Variants in SLC16A12 observed in about 807,000 individuals in gnomAD.
SLC16A12 encodes monocarboxylate transporter 12.
In SLC16A12, 17 loss-of-function variants were observed where a neutral mutation model predicts 42.4. That is an observed-to-expected ratio of 0.40 (90% CI 0.27 to 0.60). The LOEUF is 0.60. Among genes scored for constraint, SLC16A12 ranks in the 20% least tolerant of loss-of-function variants. The pLI, the probability that SLC16A12 is intolerant of heterozygous loss-of-function variation, is 0.42. For missense variants in SLC16A12, 544 were observed against 623.0 expected (o/e 0.87, Z 1.35); for synonymous variants, 224 against 229.4 (o/e 0.98, Z 0.21).
chr10:89,518,551 C>A (rs182360933), intron 2 of SLC16A12, among the ~76,000 whole-genome samples: 16 of 152,320 alleles, frequency 1.1e-4, no homozygotes, highest in Admixed American at 6.5e-4. Flanking sequence ...TTATTCCCTT[C>A]TCTAGAGCCT....
chr10:89,440,073 CAAAAAAAAA>C (rs10674171), intron 5 of SLC16A12, among the ~76,000 whole-genome samples: 2 of 31,430 alleles, frequency 6.4e-5, no homozygotes, highest in South Asian at 4.0e-3. Flanking sequence ...GACCCTGTCT[CAAAAAAAAA>C]AAAAAAAAAA....
chr10:89,512,022 G>A (rs1843169766), intron 2 of SLC16A12, among the ~76,000 whole-genome samples: 1 of 152,188 alleles, frequency 6.6e-6, no homozygotes, highest in South Asian at 2.1e-4. Context: ...GAAGCCTGAA[G>A]ACATTATGCT....
chr10:89,444,920 T>C (rs1841974477), intron 3 of SLC16A12, among the ~76,000 whole-genome samples: 1 of 152,214 alleles, frequency 6.6e-6, no homozygotes, highest in African/African-American at 2.4e-5. Flanking sequence ...CCAATGGTCT[T>C]AGCAAATGGC....
chr10:89,537,559 T>C (rs1044593990), upstream of SLC16A12, among the ~76,000 whole-genome samples: 3 of 152,204 alleles, frequency 2.0e-5, no homozygotes, highest in Admixed American at 1.3e-4. Context: ...TGTAAAAGAA[T>C]TCATTAGCAT....
chr10:89,469,671 G>C (rs1842462824), intron 2 of SLC16A12, among the ~76,000 whole-genome samples: 1 of 152,170 alleles, frequency 6.6e-6, no homozygotes. Flanking sequence ...AAAAGAGATA[G>C]AGTATGATGG....
Position 89,438,587 on chromosome 10 carries a change from G to T in SLC16A12, c.1028+17C>A. 3 of 1,611,340 alleles carry T rather than the reference G, an allele frequency of 1.9e-6. No homozygotes were observed. The highest frequency in any genetic ancestry group is 1.7e-4 in the Middle Eastern group (1 of 6,038). Reference sequence around the variant, plus strand: ...AGTCCCCTGGTGGGGAACCAATTGTGGTTTCATGAATTTTACCTTCTGTCG... The same window carrying T: ...AGTCCCCTGGTGGGGAACCAATTGTTGTTTCATGAATTTTACCTTCTGTCG... On this transcript the variant is annotated intron_variant, in intron 6 of 7. Coordinates refer to ENST00000371790, the MANE Select transcript of SLC16A12 (RefSeq NM_213606.4).
At chr10:89,521,414 A>G (rs147188440) in intron 2 of SLC16A12, among the ~76,000 whole-genome samples, 48 of 152,334 alleles carry the variant, frequency 3.2e-4, no homozygotes, top group African/African-American at 1.2e-3. Flanking sequence ...CTTACATCAG[A>G]TCTAACTTTG....
At chr10:89,524,026 G>A (rs1338442011) in intron 2 of SLC16A12, among the ~76,000 whole-genome samples, 1 of 152,180 alleles carries the variant, frequency 6.6e-6, no homozygotes, top group Non-Finnish European at 1.5e-5. Flanking sequence ...CCAGACAAGT[G>A]ATTTCAACTG....
At chr10:89,539,752 C>G (rs546153707), upstream of SLC16A12, among the ~76,000 whole-genome samples, 2 of 152,248 alleles carry the variant, frequency 1.3e-5, no homozygotes, top group Admixed American at 1.3e-4. Context: ...TAAATACAAA[C>G]AGCATAAATA....
intron 2 of SLC16A12, among the ~76,000 whole-genome samples, chr10:89,477,290 C>T (rs769266220): frequency 2.0e-5 from 3 of 152,138 alleles, no homozygotes; most frequent in East Asian, 1.9e-4. Flanking sequence ...CCAGCCCAGG[C>T]GCAGTGGCTC....
chr10:89,547,569 C>T (rs190009791), intron 2 of SLC16A12, among the ~76,000 whole-genome samples: 1 of 152,006 alleles, frequency 6.6e-6, no homozygotes, highest in Non-Finnish European at 1.5e-5. Flanking sequence ...AGTAGCCATG[C>T]AAATGACAAA....
chr10:89,522,200 T>C (rs1350503938), intron 2 of SLC16A12, among the ~76,000 whole-genome samples: 1 of 152,180 alleles, frequency 6.6e-6, no homozygotes, highest in Admixed American at 6.5e-5. Context: ...AAATCTAGAG[T>C]TGTATTGAGA....
intron 3 of SLC16A12, among the ~76,000 whole-genome samples, chr10:89,450,291 C>T (rs1004048208): frequency 6.6e-6 from 1 of 152,194 alleles, no homozygotes; most frequent in African/African-American, 2.4e-5. Flanking sequence ...AATGATGCTA[C>T]TATAAAGACA....
rs562515030 is a variant in SLC16A12 at position 89,475,630 on chromosome 10, G to C, written c.-46-13006C>G. On this transcript the variant is annotated intron_variant, in intron 2 of 7. Coordinates refer to ENST00000371790, the MANE Select transcript of SLC16A12 (RefSeq NM_213606.4). ...TAGTCCTCAAACAAATCCTGGTAAC[G>C]GGAGTAAATAATTACTGACTTCAAC... Among the ~76,000 whole-genome samples, 38 of 152,114 alleles carry C rather than the reference G, an allele frequency of 2.5e-4. 1 individual carries two copies. The highest frequency in any genetic ancestry group is 2.5e-3 in the South Asian group (12 of 4,808).
intron 2 of SLC16A12, among the ~76,000 whole-genome samples, chr10:89,488,165 G>A (rs1842791894): frequency 2.0e-5 from 3 of 151,638 alleles, no homozygotes; most frequent in Admixed American, 1.3e-4. Flanking sequence ...CACACTAGAA[G>A]CCCAAACCTT....
At chr10:89,442,385 T>C (rs1248404619) in intron 4 of SLC16A12, among the ~76,000 whole-genome samples, 2 of 152,196 alleles carry the variant, frequency 1.3e-5, no homozygotes, top group African/African-American at 2.4e-5. Context: ...ATAACCCTAC[T>C]CAAAGCTTGA....
At chr10:89,498,946 C>T (rs1842959924) in intron 2 of SLC16A12, among the ~76,000 whole-genome samples, 2 of 152,172 alleles carry the variant, frequency 1.3e-5, no homozygotes, top group Non-Finnish European at 2.9e-5. Flanking sequence ...ACTACATCAA[C>T]GGAACACCCC....
chr10:89,539,875 TTCTTTC>T (rs1294521635), upstream of SLC16A12, among the ~76,000 whole-genome samples: 2 of 144,080 alleles, frequency 1.4e-5, no homozygotes, highest in African/African-American at 5.5e-5. Flanking sequence ...CTTTCTTTCT[TTCTTTC>T]TTTCTTTCTT....
At chr10:89,435,529 TC>T (rs1310398715) in intron 7 of SLC16A12, among the ~76,000 whole-genome samples, 1 of 152,220 alleles carries the variant, frequency 6.6e-6, no homozygotes, top group Admixed American at 6.5e-5. Context: ...AGTTACTAGA[TC>T]AATTGCTAGA....
Sources: gnomAD v4.1 joint callset for allele counts (sites outside exome capture counted in the v4.1 genomes callset) on GRCh38, gnomAD v4.1.1 for gene constraint, MANE v1.5 for transcripts, NCBI Gene and HGNC (gene_info 2026-07-23, HGNC 2026-07-21) for gene names.